The following SRGAP2 variants were observed in gnomAD, a reference collection of about 807,000 sequenced individuals.
SRGAP2 encodes SLIT-ROBO Rho GTPase activating protein 2.
Under a neutral mutation model 57.2 loss-of-function variants are expected in SRGAP2, and 15 were observed. The ratio of observed to expected loss-of-function variants is 0.26; its 90% CI spans 0.18 to 0.40. The LOEUF (loss-of-function observed/expected upper bound fraction) is 0.40, where lower values mean the gene tolerates loss of function less well. Among genes scored for constraint, SRGAP2 ranks in the 10% least tolerant of loss-of-function variants. The pLI, the probability that SRGAP2 is intolerant of heterozygous loss-of-function variation, is 1.00. For synonymous variants in SRGAP2, 249 were observed against 248.0 expected, an observed-to-expected ratio of 1.00 and a Z score of -0.04; for missense variants, 520 against 669.6, an observed-to-expected ratio of 0.78 and a Z score of 2.47.
chr1:206,410,236 G>C (rs1010423726), intron 10 of SRGAP2, among the ~76,000 whole-genome samples: 1 of 152,178 alleles, frequency 6.6e-6, no homozygotes, highest in Non-Finnish European at 1.5e-5. Context: ...GAGGTGAAGG[G>C]AAGGGCTCAG....
chr1:206,335,572 G>C (rs1674713059), intron 3 of SRGAP2, among the ~76,000 whole-genome samples: 1 of 152,184 alleles, frequency 6.6e-6, no homozygotes, highest in Non-Finnish European at 1.5e-5. Context: ...TCAGAAAAAA[G>C]AATGTTGATC....
intron 12 of SRGAP2, among the ~76,000 whole-genome samples, chr1:206,420,045 G>A (rs553428170): frequency 2.8e-4 from 43 of 152,126 alleles, no homozygotes; most frequent in Non-Finnish European, 4.7e-4. Flanking sequence ...GTGAGCTGTC[G>A]GAGAGCAAGG....
intron 2 of SRGAP2, among the ~76,000 whole-genome samples, chr1:206,278,762 G>A (rs1302562130): frequency 6.7e-6 from 1 of 150,038 alleles, no homozygotes; most frequent in Non-Finnish European, 1.5e-5. Context: ...AGTGTAAGCC[G>A]CGTGGATATT....
chr1:206,410,859 T>C (rs1447175805), intron 10 of SRGAP2, among the ~76,000 whole-genome samples: 2 of 152,198 alleles, frequency 1.3e-5, no homozygotes, highest in African/African-American at 2.4e-5. Flanking sequence ...TTTTCCTAAG[T>C]ATTTCCTTTG....
intron 18 of SRGAP2, among the ~76,000 whole-genome samples, chr1:206,449,958 A>G (rs1424582413): frequency 2.6e-5 from 4 of 152,244 alleles, no homozygotes; most frequent in Non-Finnish European, 4.4e-5. Flanking sequence ...GCCCAGGATC[A>G]CACAGCTACC....
chr1:206,306,871 G>A (rs1400600626), intron 3 of SRGAP2, among the ~76,000 whole-genome samples: 5 of 151,872 alleles, frequency 3.3e-5, no homozygotes, highest in East Asian at 3.9e-4. Flanking sequence ...ACAGAGTGCC[G>A]ATTGGTGTAT....
At chr1:206,383,932 A>G in intron 4 of SRGAP2, 82 bp from the exon 5 acceptor site, 5 of 1,066,528 alleles carry the variant, frequency 4.7e-6, no homozygotes, top group Non-Finnish European at 7.0e-6. Context: ...GGTTATTTGT[A>G]GAGCCAGTGT....
At chr1:206,413,394 G>A (rs1350570413) in intron 10 of SRGAP2, among the ~76,000 whole-genome samples, 1 of 152,182 alleles carries the variant, frequency 6.6e-6, no homozygotes, top group East Asian at 1.9e-4. Context: ...ATATTACCCC[G>A]GGAAGAATGA....
chr1:206,435,830 A>G (rs1482650400), intron 14 of SRGAP2, among the ~76,000 whole-genome samples: 1 of 152,218 alleles, frequency 6.6e-6, no homozygotes, highest in Non-Finnish European at 1.5e-5. Context: ...GAAAGCATTG[A>G]TTAGCAGCAG....
intron 1 of SRGAP2, chr1:206,204,830 ACCCGTTTC>A (rs1665741269): frequency 8.0e-6 from 1 of 125,168 alleles, no homozygotes; most frequent in Admixed American, 7.8e-5. Context: ...CTATCCTCTA[ACCCGTTTC>A]CTGCTTCAGC....
At chr1:206,295,605 T>C (rs1387770027) in intron 2 of SRGAP2, among the ~76,000 whole-genome samples, 4 of 151,098 alleles carry the variant, frequency 2.6e-5, no homozygotes, top group African/African-American at 9.7e-5. Context: ...TTCCTGAGCT[T>C]TCAACACTTT....
intron 2 of SRGAP2, among the ~76,000 whole-genome samples, chr1:206,295,524 A>C (rs1671542324): frequency 2.0e-5 from 3 of 150,890 alleles, no homozygotes; most frequent in Admixed American, 6.6e-5. Context: ...TGCTCGACCA[A>C]ATTTCTTCTT....
intron 2 of SRGAP2, among the ~76,000 whole-genome samples, chr1:206,265,851 T>C (rs2102638832): frequency 6.8e-6 from 1 of 146,810 alleles, no homozygotes; most frequent in South Asian, 2.2e-4. Context: ...TTTGGTATAT[T>C]GATTTAACTT....
intron 3 of SRGAP2, among the ~76,000 whole-genome samples, chr1:206,322,503 C>T (rs1254087102): frequency 1.7e-4 from 25 of 150,344 alleles, no homozygotes; most frequent in Non-Finnish European, 3.4e-4. Context: ...TGGGGTGAAC[C>T]CGGGAGGTGG....
intron 13 of SRGAP2, among the ~76,000 whole-genome samples, chr1:206,423,784 T>A (rs1003912646): frequency 2.0e-5 from 3 of 151,844 alleles, no homozygotes; most frequent in Non-Finnish European, 4.4e-5. Flanking sequence ...CTGATTTTTT[T>A]TTTTTCTTTT....
chr1:206,324,665 T>C (rs1206911236), intron 3 of SRGAP2, among the ~76,000 whole-genome samples: 1 of 152,272 alleles, frequency 6.6e-6, no homozygotes, highest in South Asian at 2.1e-4. Flanking sequence ...AGCAGTGACA[T>C]TGGACCCACA....
intron 2 of SRGAP2, among the ~76,000 whole-genome samples, chr1:206,286,364 T>A (rs1310742639): frequency 2.0e-5 from 3 of 152,352 alleles, no homozygotes; most frequent in Admixed American, 6.5e-5. Flanking sequence ...TTATTTTTTT[T>A]AAAAAGTAAA....
intron 4 of SRGAP2, among the ~76,000 whole-genome samples, chr1:206,361,489 A>G (rs1164316946): frequency 3.9e-5 from 6 of 152,228 alleles, no homozygotes; most frequent in African/African-American, 1.2e-4. Context: ...GATAACAATG[A>G]CAAAGGATAG....
At chr1:206,435,584 A>G (rs369810636) in intron 14 of SRGAP2, among the ~76,000 whole-genome samples, 24 of 152,328 alleles carry the variant, frequency 1.6e-4, no homozygotes, top group African/African-American at 4.6e-4. Context: ...AGACTGACCA[A>G]TGTGGTTCCA....
Sources: gnomAD v4.1 joint callset for allele counts (sites outside exome capture counted in the v4.1 genomes callset) on GRCh38, gnomAD v4.1.1 for gene constraint, MANE v1.5 for transcripts, NCBI Gene and HGNC (gene_info 2026-07-23, HGNC 2026-07-21) for gene names.